Variants in DAB1 observed in about 807,000 individuals in gnomAD.
DAB1 encodes the protein DAB adaptor protein 1, also known as disabled homolog 1.
In DAB1, 15 loss-of-function variants were observed where a neutral mutation model predicts 64.6. That is an observed-to-expected ratio of 0.23 (90% CI 0.16 to 0.36). DAB1 has a LOEUF of 0.36. DAB1 is among the 10% of genes least tolerant of loss of function. The probability of loss-of-function intolerance (pLI) is 1.00; values close to 1 mark genes in which losing one functional copy is unlikely to be tolerated. For synonymous variants in DAB1, 235 were observed against 251.9 expected, an observed-to-expected ratio of 0.93 and a Z score of 0.64; for missense variants, 596 against 706.7, an observed-to-expected ratio of 0.84 and a Z score of 1.78.
At chr1:57,912,081 T>C (rs1316136523) in intron 5 of DAB1, among the ~76,000 whole-genome samples, 1 of 152,248 alleles carries the variant, frequency 6.6e-6, no homozygotes, top group Non-Finnish European at 1.5e-5. Flanking sequence ...TAAAAGTTAA[T>C]ACCCTTTAAT....
At chr1:57,278,884 T>G (rs1305427147) in intron 2 of DAB1, among the ~76,000 whole-genome samples, 1 of 152,206 alleles carries the variant, frequency 6.6e-6, no homozygotes, top group Non-Finnish European at 1.5e-5. Context: ...AACCTGAGAT[T>G]TTTAAAAAGC....
intron 3 of DAB1, among the ~76,000 whole-genome samples, chr1:58,451,743 G>C (rs562337512): frequency 6.6e-6 from 1 of 152,014 alleles, no homozygotes; most frequent in East Asian, 1.9e-4. Context: ...AAATACCAAA[G>C]ATAAACAGAG....
chr1:57,903,622 C>A (rs1569957485), intron 5 of DAB1, among the ~76,000 whole-genome samples: 1 of 152,282 alleles, frequency 6.6e-6, no homozygotes, highest in Middle Eastern at 3.4e-3. Context: ...AAGGAGGAAT[C>A]AGAAACTATA....
At chr1:57,177,952 C>A (rs1662504291) in intron 2 of DAB1, among the ~76,000 whole-genome samples, 2 of 152,128 alleles carry the variant, frequency 1.3e-5, no homozygotes, top group Non-Finnish European at 2.9e-5. Flanking sequence ...GTCCTCCCTT[C>A]AGGTTTTGTG....
intron 11 of DAB1, among the ~76,000 whole-genome samples, chr1:57,023,131 A>G (rs1646675322): frequency 6.6e-6 from 1 of 152,136 alleles, no homozygotes; most frequent in Non-Finnish European, 1.5e-5. Context: ...AGTAAGGCAG[A>G]CCCCTTCTAT....
In DAB1 at chr1:57,150,231, G is replaced by A. The variant is rs74074214; in HGVS notation, c.68-4802C>T. Among the ~76,000 whole-genome samples, 588 of 152,326 alleles carry A rather than the reference G, an allele frequency of 3.9e-3. 4 individuals carry two copies. The highest frequency in any genetic ancestry group is 0.013 in the African/African-American group (561 of 41,578). On this transcript the variant is annotated intron_variant, in intron 2 of 14. Coordinates refer to ENST00000371236, the MANE Select transcript of DAB1 (RefSeq NM_001365792.1). ...GAAATGACAAATAGCATACAAGACA[G>A]TGAGTGATTGGCAAACAGTAAGAGC...
chr1:57,078,721 G>A (rs966097837), intron 4 of DAB1, among the ~76,000 whole-genome samples: 2 of 152,158 alleles, frequency 1.3e-5, no homozygotes, highest in African/African-American at 4.8e-5. Flanking sequence ...CATTATAGGT[G>A]TTTTGTTATT....
At chr1:57,879,471 C>T (rs1644108461) in intron 1 of DAB1, among the ~76,000 whole-genome samples, 1 of 152,140 alleles carries the variant, frequency 6.6e-6, no homozygotes, top group Admixed American at 6.6e-5. Context: ...TAGCACTACT[C>T]ATCCTAACAA....
chr1:58,474,035 T>C, intron 3 of DAB1: 2 of 747,044 alleles, frequency 2.7e-6, no homozygotes, highest in Non-Finnish European at 4.2e-6. Flanking sequence ...TTCTACTTCA[T>C]GGTGGCTATT....
At chr1:58,457,367 G>C (rs1645202110) in intron 3 of DAB1, among the ~76,000 whole-genome samples, 1 of 152,074 alleles carries the variant, frequency 6.6e-6, no homozygotes, top group Non-Finnish European at 1.5e-5. Flanking sequence ...TTTCGGGGAG[G>C]TAGTGAGAAA....
chr1:58,527,038 A>T (rs1312444692), intron 2 of DAB1, among the ~76,000 whole-genome samples: 1 of 152,152 alleles, frequency 6.6e-6, no homozygotes, highest in Admixed American at 6.5e-5. Context: ...GATTCTGTCT[A>T]AGGCATAATA....
chr1:58,500,183 CATA>C (rs1347636487), intron 3 of DAB1, among the ~76,000 whole-genome samples: 3 of 152,160 alleles, frequency 2.0e-5, no homozygotes, highest in South Asian at 4.2e-4. Flanking sequence ...TCACATGCAC[CATA>C]ATATTTTTTT....
intron 9 of DAB1, among the ~76,000 whole-genome samples, chr1:57,039,870 C>T (rs1647513235): frequency 1.3e-5 from 2 of 152,134 alleles, no homozygotes; most frequent in Admixed American, 1.3e-4. Flanking sequence ...ATTGTGACGC[C>T]TGAGAAATGA....
At chr1:57,092,217 C>T (rs933353030) in intron 4 of DAB1, among the ~76,000 whole-genome samples, 6 of 152,162 alleles carry the variant, frequency 3.9e-5, no homozygotes, top group Non-Finnish European at 8.8e-5. Context: ...TGACTACTTC[C>T]TGCGTTTCAA....
chr1:57,468,635 T>C (rs1265224800), intron 7 of DAB1, among the ~76,000 whole-genome samples: 2 of 152,092 alleles, frequency 1.3e-5, no homozygotes, highest in East Asian at 3.9e-4. Flanking sequence ...GACATGTGTG[T>C]TTTTAATGTG....
intron 3 of DAB1, among the ~76,000 whole-genome samples, chr1:58,368,503 C>G (rs1165054104): frequency 6.6e-6 from 1 of 152,134 alleles, no homozygotes; most frequent in Non-Finnish European, 1.5e-5. Context: ...GTGGCAATCA[C>G]AGTAGCAGAG....
chr1:58,241,731 T>G (rs1403983720), intron 4 of DAB1, among the ~76,000 whole-genome samples: 1 of 152,068 alleles, frequency 6.6e-6, no homozygotes, highest in African/African-American at 2.4e-5. Context: ...ATGCTCCTTC[T>G]TGGCAGACAT....
intron 2 of DAB1, among the ~76,000 whole-genome samples, chr1:57,279,498 G>A (rs1336219203): frequency 2.0e-5 from 3 of 152,152 alleles, no homozygotes; most frequent in Non-Finnish European, 4.4e-5. Context: ...ATGAAAGCAG[G>A]GTCTCGAATA....
intron 4 of DAB1, among the ~76,000 whole-genome samples, chr1:57,083,893 C>A (rs1652803676): frequency 6.6e-6 from 1 of 152,154 alleles, no homozygotes; most frequent in Non-Finnish European, 1.5e-5. Flanking sequence ...CTTCTCTGAA[C>A]CTTAGTGTCC....
Sources: gnomAD v4.1 joint callset for allele counts (sites outside exome capture counted in the v4.1 genomes callset) on GRCh38, gnomAD v4.1.1 for gene constraint, MANE v1.5 for transcripts, NCBI Gene and HGNC (gene_info 2026-07-23, HGNC 2026-07-21) for gene names.